Variants in PAK2 observed in about 807,000 individuals in gnomAD.
The protein encoded by PAK2 is p21 (RAC1) activated kinase 2.
A neutral mutation model predicts 65.9 loss-of-function variants in PAK2; 21 were observed. The ratio of observed to expected loss-of-function variants is 0.32; its 90% CI spans 0.23 to 0.46. PAK2 has a LOEUF of 0.46. PAK2 is among the 20% of genes least tolerant of loss of function. The pLI is 1.00. For missense variants in PAK2, 324 were observed against 642.6 expected, an observed-to-expected ratio of 0.50 and a Z score of 5.36; for synonymous variants, 204 against 219.7, an observed-to-expected ratio of 0.93 and a Z score of 0.63.
chr3:196,764,342 G>A (rs1009435027), intron 1 of PAK2, among the ~76,000 whole-genome samples: 2 of 151,902 alleles, frequency 1.3e-5, no homozygotes, highest in East Asian at 1.9e-4. Context: ...CTTGCCAGGC[G>A]CAGTGGCTCA....
At chr3:196,760,887 G>A (rs969825351) in intron 1 of PAK2, among the ~76,000 whole-genome samples, 1 of 152,152 alleles carries the variant, frequency 6.6e-6, no homozygotes, top group Non-Finnish European at 1.5e-5. Flanking sequence ...TGTCAGATAG[G>A]TACAGAGATG....
chr3:196,798,570 C>A (rs374654620), intron 2 of PAK2, among the ~76,000 whole-genome samples: 3 of 152,090 alleles, frequency 2.0e-5, no homozygotes, highest in Non-Finnish European at 4.4e-5. Flanking sequence ...TCTTGAACTC[C>A]TTAGCTCAAG....
intron 4 of PAK2, among the ~76,000 whole-genome samples, chr3:196,804,786 T>C (rs1180226821): frequency 6.8e-6 from 1 of 146,650 alleles, no homozygotes; most frequent in Admixed American, 7.1e-5. Flanking sequence ...ATGTAATATG[T>C]GATATGTGTG....
chr3:196,766,045 C>G (rs1201278550), intron 1 of PAK2, among the ~76,000 whole-genome samples: 2 of 151,810 alleles, frequency 1.3e-5, no homozygotes, highest in Non-Finnish European at 2.9e-5. Context: ...TACAAGTGAG[C>G]ACCACCATGC....
At chr3:196,758,205 A>G (rs1299405278) in intron 1 of PAK2, among the ~76,000 whole-genome samples, 1 of 152,240 alleles carries the variant, frequency 6.6e-6, no homozygotes, top group African/African-American at 2.4e-5. Flanking sequence ...GTTTATACGT[A>G]GTTAGAGAAG....
chr3:196,782,689 C>T lies in PAK2; in HGVS notation c.43C>T (p.Pro15Ser). 6.2e-7 allele frequency: 1 copy of T among 1,611,336 alleles called. No individual in the cohort carries two copies. Among genetic ancestry groups the T allele is most frequent in the Non-Finnish European group, 8.5e-7 (1 of 1,178,074 alleles). The change falls in exon 2 of 15, where the codon CCT (proline) becomes TCT (serine). Residue 15 changes from proline to serine, a missense_variant. Around this residue, in one of 5 missense-constraint regions of PAK2, gnomAD observed 42 missense variants for 67.4 expected, o/e 0.62. Coordinates refer to ENST00000327134, the MANE Select transcript of PAK2 (RefSeq NM_002577.4). ...GELEDKPPAP[P>S]VRMSSTIFST... is the part of the protein sequence containing the mutation. ...ACTGGAAGATAAGCCTCCAGCACCT[C>T]CTGTGCGAATGAGCAGCACCATCTT...
At position 196,805,346 on chromosome 3, in the gene PAK2, A is replaced by T. The variant is rs181631084; in HGVS notation, c.437-6A>T. 14 of 1,416,418 alleles carry T rather than the reference A, an allele frequency of 9.9e-6. No homozygotes were observed. In the East Asian group the frequency reaches 3.3e-4, roughly 33 times the overall value. The allele number at this position is 1,416,418 out of a possible 1,614,324, so 87.7% of individuals were successfully genotyped here. On this transcript the variant is annotated splice_region_variant and splice_polypyrimidine_tract_variant and intron_variant, in intron 4 of 14. Transcript: ENST00000327134. ...TTGCTAATGTTATGTTTTGTTTCAT[A>T]TTCAGAGAAAGATGGCTTTCCTTCT...
chr3:196,805,273 T>C, intron 4 of PAK2, 79 bp from the exon 5 acceptor site: 1 of 763,054 alleles, frequency 1.3e-6, no homozygotes, highest in Non-Finnish European at 2.2e-6. Context: ...TTTCACTTTC[T>C]CTGCTTTTTT....
At chr3:196,751,129 G>A (rs926002049) in intron 1 of PAK2, among the ~76,000 whole-genome samples, 1 of 151,996 alleles carries the variant, frequency 6.6e-6, no homozygotes, top group Non-Finnish European at 1.5e-5. Flanking sequence ...AACTGGAATC[G>A]TGCAATGTTT....
rs1715793282 is a variant in PAK2, at chr3:196,811,255, CCCTCCCTT to C, written c.773+606_773+613del. Among the ~76,000 whole-genome samples the C allele has an allele frequency of 5.2e-5, 4 of 76,956 alleles. 1 individual carries two copies. The highest frequency in any genetic ancestry group is 1.4e-4 in the Admixed American group (1 of 7,092). The allele number at this position is 76,956 out of a possible 152,430, so 50.5% of individuals were successfully genotyped here. On this transcript the variant is annotated intron_variant, in intron 8 of 14. Transcript: ENST00000327134. Reference sequence around the variant, plus strand: ...CTTCCCTTCCTTCCCTCCCTCCCCTCCCTCCCTTCCTTCCCTTCCCTCCCTTCCCTCCC... The same window carrying C: ...CTTCCCTTCCTTCCCTCCCTCCCCTCCCTTCCCTTCCCTCCCTTCCCTCCC...
At chr3:196,743,368 C>T (rs999339286) in intron 1 of PAK2, among the ~76,000 whole-genome samples, 2 of 152,138 alleles carry the variant, frequency 1.3e-5, no homozygotes, top group African/African-American at 4.8e-5. Flanking sequence ...GATATACATT[C>T]TTTTCAAGAC....
intron 1 of PAK2, among the ~76,000 whole-genome samples, chr3:196,779,342 C>A (rs116512677): frequency 6.6e-6 from 1 of 152,144 alleles, no homozygotes; most frequent in African/African-American, 2.4e-5. Flanking sequence ...TTTCCTCATC[C>A]TTTTAAAGTG....
chr3:196,815,337 C>T (rs562044999), intron 11 of PAK2, among the ~76,000 whole-genome samples: 9 of 150,628 alleles, frequency 6.0e-5, no homozygotes, highest in African/African-American at 2.2e-4. Flanking sequence ...ACTAAAAATA[C>T]AAAAATTAGC....
intron 8 of PAK2, among the ~76,000 whole-genome samples, chr3:196,812,006 TC>T (rs1357592241): frequency 6.6e-6 from 1 of 152,128 alleles, no homozygotes; most frequent in Non-Finnish European, 1.5e-5. Flanking sequence ...TTTTTGTAGG[TC>T]TGAAATATTT....
intron 1 of PAK2, among the ~76,000 whole-genome samples, chr3:196,749,368 C>T (rs952222139): frequency 3.3e-5 from 5 of 152,068 alleles, no homozygotes; most frequent in East Asian, 1.9e-4. Context: ...CCACCAGCAG[C>T]GCACAGCAGT....
intron 11 of PAK2, among the ~76,000 whole-genome samples, chr3:196,815,522 C>G (rs1715989976): frequency 6.6e-6 from 1 of 151,394 alleles, no homozygotes; most frequent in African/African-American, 2.4e-5. Context: ...GGTACAGTGT[C>G]TCTCGCCTGT....
At chr3:196,816,025 T>G (rs933829244) in intron 11 of PAK2, among the ~76,000 whole-genome samples, 34 of 152,182 alleles carry the variant, frequency 2.2e-4, no homozygotes, top group Admixed American at 2.1e-3. Context: ...TAAGCCTTCT[T>G]TTTTCCACCT....
At chr3:196,747,576 T>G (rs860050) in intron 1 of PAK2, among the ~76,000 whole-genome samples, 70,802 of 151,878 alleles carry the variant, frequency 0.47, 16,963 homozygotes, top group Non-Finnish European at 0.53. Context: ...ACTTATTGAG[T>G]GTTTCTTGTG....
intron 14 of PAK2, 127 bp downstream of exon 14, chr3:196,827,460 A>G (rs570067714): frequency 8.3e-5 from 124 of 1,494,926 alleles, no homozygotes; most frequent in Middle Eastern, 7.3e-4. Context: ...AGCTGCTGCA[A>G]TTTAGGGTTT....
Sources: gnomAD v4.1 joint callset for allele counts (sites outside exome capture counted in the v4.1 genomes callset) on GRCh38, gnomAD v4.1.1 for gene constraint, gnomAD v4.1.1 regional missense constraint, MANE v1.5 for transcripts, NCBI Gene and HGNC (gene_info 2026-07-23, HGNC 2026-07-21) for gene names.